Variants in SEMA3E observed in about 807,000 individuals in gnomAD.
SEMA3E encodes semaphorin-3E.
Under a neutral mutation model 93.6 loss-of-function variants are expected in SEMA3E, and 49 were observed. That is an observed-to-expected ratio of 0.52 (90% confidence interval 0.42 to 0.66). The LOEUF (loss-of-function observed/expected upper bound fraction) is 0.66. Ranked by LOEUF, SEMA3E falls within the 30% of genes least tolerant of loss-of-function variation. The probability of loss-of-function intolerance (pLI) is 0.00; values close to 1 mark genes in which losing one functional copy is unlikely to be tolerated. For missense variants in SEMA3E, 906 were observed against 964.8 expected (o/e 0.94, Z 0.81); for synonymous variants, 363 against 330.7 (o/e 1.10, Z -1.06).
intron 1 of SEMA3E, among the ~76,000 whole-genome samples, chr7:83,573,206 C>A (rs1273533282): frequency 6.6e-6 from 1 of 152,034 alleles, no homozygotes; most frequent in Non-Finnish European, 1.5e-5. Context: ...AAGCAAAAAA[C>A]AAATAATCCA....
At chr7:83,613,979 T>A (rs2115595863) in intron 1 of SEMA3E, among the ~76,000 whole-genome samples, 1 of 152,144 alleles carries the variant, frequency 6.6e-6, no homozygotes, top group South Asian at 2.1e-4. Context: ...ATTTCAAAAA[T>A]ATCACTGAGT....
At chr7:83,580,618 C>A (rs1792499270) in intron 1 of SEMA3E, among the ~76,000 whole-genome samples, 1 of 151,950 alleles carries the variant, frequency 6.6e-6, no homozygotes, top group African/African-American at 2.4e-5. Flanking sequence ...TCCAACTCAT[C>A]AAGCATGGTT....
chr7:83,394,649 T>C (rs1409861739), intron 12 of SEMA3E, among the ~76,000 whole-genome samples: 2 of 152,196 alleles, frequency 1.3e-5, no homozygotes, highest in Non-Finnish European at 2.9e-5. Context: ...TATCTTTAAA[T>C]AAAATAATAA....
rs542988553 is a variant in SEMA3E at position 83,535,953 on chromosome 7, A to G, written c.116-45679T>C. 2.2e-4 allele frequency among the ~76,000 whole-genome samples: 34 copies of G among 152,294 alleles called. No individual in the cohort carries two copies. The East Asian group carries it at 6.0e-3, about 27-fold the overall frequency. ...GAATGTGGAAAGATTAATAAAACCA[A>G]GCAGGATCTCGTTAATCAAACTTCC... On this transcript the variant is annotated intron_variant, in intron 1 of 16. Coordinates refer to ENST00000643230, the MANE Select transcript of SEMA3E (RefSeq NM_012431.3).
chr7:83,531,007 T>C (rs1038076777), intron 1 of SEMA3E, among the ~76,000 whole-genome samples: 2 of 152,156 alleles, frequency 1.3e-5, no homozygotes, highest in East Asian at 3.9e-4. Flanking sequence ...ACGTACATTT[T>C]CACATACACA....
chr7:83,611,390 TTA>T lies in SEMA3E; in HGVS notation c.115+37036_115+37037del, dbSNP rs751910453. On this transcript the variant is annotated intron_variant, in intron 1 of 16. Transcript: ENST00000643230. ...TATATTATATATATAAATTTATATA[TTA>T]TATATATATATATATCTCACATCCA... Among the ~76,000 whole-genome samples the T allele has an allele frequency of 7.7e-3, 1,090 of 141,744 alleles. 16 individuals carry two copies. The highest frequency in any genetic ancestry group is 0.026 in the African/African-American group (998 of 38,562). The allele number at this position is 141,744 out of a possible 152,430, so 93.0% of individuals were successfully genotyped here.
At chr7:83,583,356 T>C (rs969304790) in intron 1 of SEMA3E, among the ~76,000 whole-genome samples, 6 of 152,148 alleles carry the variant, frequency 3.9e-5, no homozygotes, top group South Asian at 4.1e-4. Flanking sequence ...TGTCTTTCCA[T>C]TGGGGACTGG....
intron 1 of SEMA3E, among the ~76,000 whole-genome samples, chr7:83,615,066 C>T (rs1584365480): frequency 1.3e-5 from 2 of 152,058 alleles, no homozygotes; most frequent in Admixed American, 1.3e-4. Context: ...AAATAAGATA[C>T]AACTCCTGCT....
intron 4 of SEMA3E, among the ~76,000 whole-genome samples, chr7:83,435,729 A>G (rs1311923896): frequency 3.9e-5 from 6 of 152,212 alleles, no homozygotes; most frequent in Admixed American, 1.3e-4. Context: ...AGATACTCTA[A>G]GTGAATGTAA....
At chr7:83,641,669 A>T (rs1794013590) in intron 1 of SEMA3E, among the ~76,000 whole-genome samples, 1 of 152,214 alleles carries the variant, frequency 6.6e-6, no homozygotes, top group South Asian at 2.1e-4. Context: ...TACTCTAATA[A>T]GAGCTGGTGT....
chr7:83,591,965 T>A (rs1276810769), intron 1 of SEMA3E, among the ~76,000 whole-genome samples: 1 of 152,060 alleles, frequency 6.6e-6, no homozygotes, highest in East Asian at 1.9e-4. Flanking sequence ...CTTGCATATA[T>A]AGTCATGCAA....
At chr7:83,510,505 T>C (rs961314286) in intron 1 of SEMA3E, among the ~76,000 whole-genome samples, 2 of 152,144 alleles carry the variant, frequency 1.3e-5, no homozygotes, top group East Asian at 1.9e-4. Flanking sequence ...TATACTAATA[T>C]AGTGTACTTG....
At chr7:83,474,023 T>C (rs1789957236) in intron 2 of SEMA3E, among the ~76,000 whole-genome samples, 2 of 144,474 alleles carry the variant, frequency 1.4e-5, no homozygotes, top group South Asian at 4.3e-4. Flanking sequence ...ACCTGGGAGA[T>C]GAAGCTTGCA....
chr7:83,596,136 T>C (rs187411734), intron 1 of SEMA3E, among the ~76,000 whole-genome samples: 21 of 152,244 alleles, frequency 1.4e-4, no homozygotes, highest in South Asian at 8.3e-4. Flanking sequence ...ATATTTATAT[T>C]ATTATTTGGG....
intron 2 of SEMA3E, among the ~76,000 whole-genome samples, chr7:83,482,753 A>G (rs1790173974): frequency 1.3e-5 from 2 of 152,094 alleles, no homozygotes; most frequent in African/African-American, 4.8e-5. Context: ...CGAACAGCCA[A>G]TGTTAATACA....
chr7:83,641,284 G>A, intron 1 of SEMA3E: 1 of 546,988 alleles, frequency 1.8e-6, no homozygotes, highest in Non-Finnish European at 2.3e-6. Context: ...AGCACTTGTT[G>A]AATGCCTACT....
rs190084014 is a variant in SEMA3E at position 83,646,058 on chromosome 7, A to G, written c.115+2370T>C. Reference sequence around the variant, plus strand: ...GTGAAAAGAATTTCTGAATTATTCTAGTAGGCTATCTCCAGGGAGCCTCCT... The same window carrying G: ...GTGAAAAGAATTTCTGAATTATTCTGGTAGGCTATCTCCAGGGAGCCTCCT... On this transcript the variant is annotated intron_variant, in intron 1 of 16. Coordinates refer to ENST00000643230, the MANE Select transcript of SEMA3E (RefSeq NM_012431.3). 2.6e-5 allele frequency among the ~76,000 whole-genome samples: 4 copies of G among 152,132 alleles called. No homozygotes were observed. In the East Asian group the frequency reaches 7.7e-4, roughly 29 times the overall value.
At chr7:83,533,735 G>A (rs989809074) in intron 1 of SEMA3E, among the ~76,000 whole-genome samples, 5 of 152,032 alleles carry the variant, frequency 3.3e-5, no homozygotes, top group African/African-American at 7.3e-5. Context: ...ACTTCCTTAC[G>A]TTTTATTATT....
chr7:83,400,395 C>CT (rs1009067540), intron 10 of SEMA3E, 145 bp from the exon 11 acceptor site: 330 of 772,350 alleles, frequency 4.3e-4, no homozygotes, highest in South Asian at 9.2e-4. Context: ...ATATATTTTT[C>CT]TTTTTTTTTA....
Sources: allele counts gnomAD v4.1 joint callset (sites outside exome capture counted in the v4.1 genomes callset), GRCh38; gene constraint gnomAD v4.1.1; transcripts MANE v1.5; gene names NCBI Gene and HGNC (gene_info 2026-07-23, HGNC 2026-07-21).